LHFPL2: variants seen among roughly 807,000 people sequenced by gnomAD.
The protein encoded by LHFPL2 is LHFPL tetraspan subfamily member 2 protein.
LHFPL2 carries 7 observed loss-of-function variants against 17.5 expected under a neutral mutation model. The ratio of observed to expected loss-of-function variants is 0.40; its 90% CI spans 0.23 to 0.75. The LOEUF (loss-of-function observed/expected upper bound fraction) is 0.75, where lower values mean the gene tolerates loss of function less well. LHFPL2 is among the 30% of genes least tolerant of loss of function. The pLI, the probability that LHFPL2 is intolerant of heterozygous loss-of-function variation, is 0.37. For synonymous variants in LHFPL2, 134 were observed against 116.2 expected (o/e 1.15, Z -0.99); for missense variants, 241 against 294.8 (o/e 0.82, Z 1.34).
intron 4 of LHFPL2, among the ~76,000 whole-genome samples, chr5:78,507,003 C>G (rs1002417940): frequency 6.6e-6 from 1 of 152,142 alleles, no homozygotes; most frequent in African/African-American, 2.4e-5. Context: ...CAACCTTCCT[C>G]CAAGAGACCT....
At chr5:78,633,093 G>A (rs1745312145) in intron 1 of LHFPL2, among the ~76,000 whole-genome samples, 1 of 152,206 alleles carries the variant, frequency 6.6e-6, no homozygotes, top group Non-Finnish European at 1.5e-5. Flanking sequence ...ACACAGGAGA[G>A]GAGACTGTGA....
At chr5:78,611,341 G>A (rs1744417681) in intron 2 of LHFPL2, among the ~76,000 whole-genome samples, 1 of 152,240 alleles carries the variant, frequency 6.6e-6, no homozygotes, top group Non-Finnish European at 1.5e-5. Flanking sequence ...AACTCCACCT[G>A]GGCTTTGAAC....
intron 4 of LHFPL2, among the ~76,000 whole-genome samples, chr5:78,509,376 TC>T (rs528177828): frequency 1.3e-5 from 2 of 152,196 alleles, no homozygotes; most frequent in African/African-American, 2.4e-5. Flanking sequence ...CCGCTTACAT[TC>T]CTCTTAGCAT....
chr5:78,535,561 G>C (rs1458289312), intron 3 of LHFPL2, among the ~76,000 whole-genome samples: 1 of 152,132 alleles, frequency 6.6e-6, no homozygotes, highest in African/African-American at 2.4e-5. Flanking sequence ...GAGAGAGAAG[G>C]CCCCTCCCTC....
intron 3 of LHFPL2, among the ~76,000 whole-genome samples, chr5:78,521,222 T>C (rs1037839222): frequency 1.3e-5 from 2 of 152,186 alleles, no homozygotes; most frequent in African/African-American, 4.8e-5. Context: ...CCTATAAAAT[T>C]AACGTGTGCT....
intron 2 of LHFPL2, among the ~76,000 whole-genome samples, chr5:78,583,238 T>C (rs1413320910): frequency 1.3e-5 from 2 of 151,798 alleles, no homozygotes; most frequent in South Asian, 2.1e-4. Flanking sequence ...CTTTATCCAA[T>C]TTGCCAGTCT....
intron 4 of LHFPL2, among the ~76,000 whole-genome samples, chr5:78,490,333 G>A (rs985145006): frequency 1.4e-4 from 22 of 152,286 alleles, no homozygotes; most frequent in African/African-American, 5.3e-4. Flanking sequence ...TGCAGTGGGT[G>A]CCTCACCCTG....
chr5:78,551,736 G>A (rs1756448308), intron 3 of LHFPL2, among the ~76,000 whole-genome samples: 1 of 152,166 alleles, frequency 6.6e-6, no homozygotes, highest in African/African-American at 2.4e-5. Context: ...ATAGAAGCCA[G>A]AACCCCCTTT....
intron 3 of LHFPL2, among the ~76,000 whole-genome samples, chr5:78,527,948 T>C (rs935849986): frequency 6.6e-6 from 1 of 152,236 alleles, no homozygotes; most frequent in Non-Finnish European, 1.5e-5. Flanking sequence ...TGATCTCTAC[T>C]GTTTATTTCT....
At chr5:78,575,408 G>C (rs999852147) in intron 2 of LHFPL2, among the ~76,000 whole-genome samples, 1 of 152,046 alleles carries the variant, frequency 6.6e-6, no homozygotes, top group African/African-American at 2.4e-5. Context: ...AATTAGCCGG[G>C]CGTGGTGGCA....
chr5:78,506,089 A>G lies in LHFPL2; in HGVS notation c.430+3695T>C, dbSNP rs79711310. Reference sequence around the variant, plus strand: ...GGCAGATCCTGCTATCTGGATTCACATAACAGGCAATGATTATATTTCATT... The same window carrying G: ...GGCAGATCCTGCTATCTGGATTCACGTAACAGGCAATGATTATATTTCATT... On this transcript the variant is annotated intron_variant, in intron 4 of 4. Coordinates refer to ENST00000380345, the MANE Select transcript of LHFPL2 (RefSeq NM_005779.3). Among the ~76,000 whole-genome samples, 18 of 152,382 alleles carry G rather than the reference A, an allele frequency of 1.2e-4. No homozygotes were observed. In the East Asian group the frequency reaches 2.7e-3, roughly 23 times the overall value.
intron 3 of LHFPL2, among the ~76,000 whole-genome samples, chr5:78,558,251 G>A (rs943905248): frequency 2.6e-5 from 4 of 152,194 alleles, no homozygotes; most frequent in Admixed American, 6.5e-5. Context: ...GCATACATTC[G>A]TTATACAGGG....
chr5:78,541,270 G>C (rs934590450), intron 3 of LHFPL2, among the ~76,000 whole-genome samples: 17 of 152,266 alleles, frequency 1.1e-4, no homozygotes, highest in Middle Eastern at 6.8e-3. Flanking sequence ...TGGGCAACTA[G>C]AGGGAGGGGG....
chr5:78,594,120 T>G (rs1044007604), intron 2 of LHFPL2, among the ~76,000 whole-genome samples: 2 of 152,210 alleles, frequency 1.3e-5, no homozygotes, highest in Admixed American at 6.5e-5. Context: ...CAGAGCTAGT[T>G]AAGTATGGGG....
At chr5:78,579,031 C>G (rs10076149) in intron 2 of LHFPL2, among the ~76,000 whole-genome samples, 59,109 of 151,988 alleles carry the variant, frequency 0.39, 12,023 homozygotes, top group Middle Eastern at 0.47. Flanking sequence ...AGGTACATTC[C>G]GTCTAACAGG....
chr5:78,530,468 G>A (rs1755749382), intron 3 of LHFPL2, among the ~76,000 whole-genome samples: 1 of 152,212 alleles, frequency 6.6e-6, no homozygotes. Flanking sequence ...GGGTGCTGGG[G>A]AGTGAGTTCT....
chr5:78,644,711 C>A, intron 1 of LHFPL2: 1 of 250,656 alleles, frequency 4.0e-6, no homozygotes, highest in South Asian at 6.2e-5. Context: ...TTGCACCTCT[C>A]TGAGCATTTC....
At chr5:78,609,530 T>TC (rs1295891989) in intron 2 of LHFPL2, among the ~76,000 whole-genome samples, 1 of 151,058 alleles carries the variant, frequency 6.6e-6, no homozygotes, top group Non-Finnish European at 1.5e-5. Context: ...GGAATATTCT[T>TC]CAGATATTAA....
At chr5:78,575,042 G>A (rs1019062860) in intron 2 of LHFPL2, among the ~76,000 whole-genome samples, 5 of 152,254 alleles carry the variant, frequency 3.3e-5, no homozygotes, top group East Asian at 1.9e-4. Context: ...GCTAGGGACC[G>A]CTAAACAGAC....
Sources: allele counts gnomAD v4.1 joint callset (sites outside exome capture counted in the v4.1 genomes callset), GRCh38; gene constraint gnomAD v4.1.1; transcripts MANE v1.5; gene names NCBI Gene and HGNC (gene_info 2026-07-23, HGNC 2026-07-21).